CD44: variants seen among roughly 807,000 people sequenced by gnomAD.
The protein encoded by CD44 is CD44 antigen.
Under a neutral mutation model 88.8 loss-of-function variants are expected in CD44, and 49 were observed. The ratio of observed to expected loss-of-function variants is 0.55; its 90% confidence interval spans 0.44 to 0.70. The LOEUF (loss-of-function observed/expected upper bound fraction) is 0.70. CD44 is among the 30% of genes least tolerant of loss of function. The pLI is 0.00. For synonymous variants in CD44, 325 were observed against 312.3 expected (o/e 1.04, Z -0.43); for missense variants, 883 against 913.8 (o/e 0.97, Z 0.43).
At chr11:35,226,020 T>C (rs1393041391) in intron 17 of CD44, among the ~76,000 whole-genome samples, 1 of 152,152 alleles carries the variant, frequency 6.6e-6, no homozygotes, top group Admixed American at 6.5e-5. Context: ...TTCTTATAAC[T>C]AGGAATAACT....
chr11:35,189,780 C>T, intron 4 of CD44, 55 bp from the exon 5 acceptor site: 2 of 1,172,420 alleles, frequency 1.7e-6, no homozygotes, highest in Non-Finnish European at 2.5e-6. Context: ...AACGCTAATC[C>T]ACATACTCAA....
intron 5 of CD44, among the ~76,000 whole-genome samples, chr11:35,193,362 G>GC (rs961590049): frequency 2.0e-5 from 3 of 152,232 alleles, no homozygotes; most frequent in African/African-American, 7.2e-5. Context: ...GGTTGGACAA[G>GC]CTTGATTTAG....
At chr11:35,180,232 C>T in intron 2 of CD44, 42 bp from the exon 3 acceptor site, 1 of 1,606,572 alleles carries the variant, frequency 6.2e-7, no homozygotes, top group Non-Finnish European at 8.5e-7. Flanking sequence ...AAATTCCCAT[C>T]TTAGCCATTT....
Position 35,225,545 on chromosome 11 carries a change from G to A in CD44, c.2025-3584G>A, listed in dbSNP as rs562902028. Reference sequence around the variant, plus strand: ...GAAGATCCAAGCTGTGGCTGGGCGCGGGGGCTCACACCTGTAATCCCAGCA... The same window carrying A: ...GAAGATCCAAGCTGTGGCTGGGCGCAGGGGCTCACACCTGTAATCCCAGCA... On this transcript the variant is annotated intron_variant, in intron 17 of 17. Transcript: ENST00000428726. 2.5e-3 allele frequency among the ~76,000 whole-genome samples: 376 copies of A among 152,104 alleles called. 1 individual carries two copies. Among genetic ancestry groups the A allele is most frequent in the African/African-American group, 8.6e-3 (358 of 41,502 alleles).
chr11:35,141,235 GA>G (rs1472024458), intron 1 of CD44, among the ~76,000 whole-genome samples: 4 of 152,164 alleles, frequency 2.6e-5, no homozygotes, highest in Non-Finnish European at 5.9e-5. Context: ...AGCAGTGCTG[GA>G]TGGAAACCCA....
At chr11:35,209,902 G>A in intron 12 of CD44, 63 bp from the exon 13 acceptor site, 4 of 1,086,014 alleles carry the variant, frequency 3.7e-6, no homozygotes, top group Non-Finnish European at 4.0e-6. Flanking sequence ...TTCCTTGCTA[G>A]CAGATAACAG....
chr11:35,224,842 A>G (rs1949580339), intron 17 of CD44, among the ~76,000 whole-genome samples: 1 of 152,238 alleles, frequency 6.6e-6, no homozygotes, highest in Non-Finnish European at 1.5e-5. Context: ...GCTGTTCATC[A>G]GCCTTCACTT....
intron 1 of CD44, among the ~76,000 whole-genome samples, chr11:35,145,254 G>A (rs1174591695): frequency 6.6e-6 from 1 of 152,240 alleles, no homozygotes; most frequent in African/African-American, 2.4e-5. Flanking sequence ...CCAGATCCCA[G>A]TAATATTGAC....
chr11:35,179,359 A>AT (rs1408140383), intron 2 of CD44, among the ~76,000 whole-genome samples: 1 of 152,136 alleles, frequency 6.6e-6, no homozygotes, highest in Non-Finnish European at 1.5e-5. Context: ...CCCACATCTC[A>AT]TTTTTTGAGG....
chr11:35,163,354 G>A (rs1942878982), intron 1 of CD44, among the ~76,000 whole-genome samples: 1 of 152,036 alleles, frequency 6.6e-6, no homozygotes, highest in Admixed American at 6.6e-5. Context: ...TAACAGGGAA[G>A]AGGCCACTAG....
chr11:35,188,304 G>A (rs1945898823), intron 4 of CD44, among the ~76,000 whole-genome samples: 1 of 152,194 alleles, frequency 6.6e-6, no homozygotes, highest in Non-Finnish European at 1.5e-5. Context: ...TGATGGCTAC[G>A]ACATGAGATG....
At chr11:35,148,033 G>A (rs1175224932) in intron 1 of CD44, among the ~76,000 whole-genome samples, 1 of 152,010 alleles carries the variant, frequency 6.6e-6, no homozygotes, top group African/African-American at 2.4e-5. Flanking sequence ...AGAGGTTGCA[G>A]TGAGCCAAGA....
intron 1 of CD44, among the ~76,000 whole-genome samples, chr11:35,146,184 G>A (rs1859124171): frequency 6.6e-6 from 1 of 152,190 alleles, no homozygotes; most frequent in African/African-American, 2.4e-5. Flanking sequence ...TGGGCAGACA[G>A]ATCTCAGGTG....
rs1943303530 is a variant in CD44, at chr11:35,166,626, A to ACAGGCTC, written c.68-9939_68-9933dup. On this transcript the variant is annotated intron_variant, in intron 1 of 17. Coordinates refer to ENST00000428726, the MANE Select transcript of CD44 (RefSeq NM_000610.4). ...TGTTGGTTCAGCGTTGACTGCCATG[A>ACAGGCTC]CAGGCTCCAGGCTCCACGGAAAAAA... Among the ~76,000 whole-genome samples the ACAGGCTC allele has an allele frequency of 2.6e-5, 4 of 152,306 alleles. No individual in the cohort carries two copies. In the South Asian group the frequency reaches 8.3e-4, roughly 32 times the overall value.
chr11:35,221,526 A>G (rs1949301358), intron 16 of CD44, 128 bp from the exon 17 acceptor site: 2 of 774,634 alleles, frequency 2.6e-6, no homozygotes, highest in Admixed American at 1.8e-5. Flanking sequence ...GGCTGGACCT[A>G]TTGGCCAGAC....
intron 16 of CD44, among the ~76,000 whole-genome samples, chr11:35,221,228 C>T (rs1037614671): frequency 6.6e-6 from 1 of 152,108 alleles, no homozygotes; most frequent in Admixed American, 6.5e-5. Context: ...TTAACCAATC[C>T]TTTATTGCCT....
Position 35,198,333 on chromosome 11 carries a change from T to C in CD44, c.922+87T>C, listed in dbSNP as rs954911373. ...ACCAAATTGTATCTCTCTTGAGAAG[T>C]AGTTAATGTGAAAAATGGGTGAACC... On this transcript the variant is annotated intron_variant, in intron 7 of 17. Transcript: ENST00000428726. 2.3e-5 allele frequency: 30 copies of C among 1,284,362 alleles called. No homozygotes were observed. The African/African-American group carries it at 4.1e-4, about 18-fold the overall frequency. 79.6% of individuals were successfully genotyped at this position (1,284,362 alleles called of 1,614,324 possible).
intron 15 of CD44, among the ~76,000 whole-genome samples, chr11:35,215,866 T>A (rs1307457610): frequency 6.6e-6 from 1 of 151,090 alleles, no homozygotes; most frequent in Non-Finnish European, 1.5e-5. Context: ...AGCAAGACTC[T>A]GTCTCAAAAA....
intron 1 of CD44, among the ~76,000 whole-genome samples, chr11:35,142,461 G>A (rs138781086): frequency 0.016 from 2,462 of 152,266 alleles, 74 homozygotes; most frequent in African/African-American, 0.057. Context: ...TGCATGCCTG[G>A]TGTTGAGAAA....
Sources: allele counts gnomAD v4.1 joint callset (sites outside exome capture counted in the v4.1 genomes callset), GRCh38; gene constraint gnomAD v4.1.1; transcripts MANE v1.5; gene names NCBI Gene and HGNC (gene_info 2026-07-23, HGNC 2026-07-21).